WTAP: variants seen among roughly 807,000 people sequenced by gnomAD.
WTAP encodes the protein pre-mRNA-splicing regulator WTAP.
Under a neutral mutation model 50.0 loss-of-function variants are expected in WTAP, and 8 were observed. The observed-to-expected ratio is 0.16, with a 90% CI of 0.09 to 0.29. The LOEUF (loss-of-function observed/expected upper bound fraction) is 0.29, where lower values mean the gene tolerates loss of function less well. Ranked by LOEUF, WTAP falls within the 10% of genes least tolerant of loss-of-function variation. The pLI is 1.00. For synonymous variants in WTAP, 194 were observed against 169.0 expected (o/e 1.15, Z -1.15); for missense variants, 295 against 470.7 (o/e 0.63, Z 3.45).
chr6:159,752,547 A>T (rs1779859786), intron 6 of WTAP, among the ~76,000 whole-genome samples: 1 of 152,206 alleles, frequency 6.6e-6, no homozygotes, highest in African/African-American at 2.4e-5. Context: ...ATCTGTGGAA[A>T]GTGTGACACT....
chr6:159,734,627 A>G (rs1161307344), intron 1 of WTAP, among the ~76,000 whole-genome samples: 2 of 152,132 alleles, frequency 1.3e-5, no homozygotes, highest in African/African-American at 2.4e-5. Context: ...CCTGGGCACT[A>G]TGGTGGGTCC....
At chr6:159,726,786 G>A (rs149262275), upstream of WTAP, 2,038 of 1,289,160 alleles carry the variant, frequency 1.6e-3, 28 homozygotes, top group African/African-American at 0.028. Flanking sequence ...GAACCCAGCG[G>A]CCAGGAGACT....
In WTAP at chr6:159,756,288, C is replaced by T. The variant is rs1583113830; in HGVS notation, c.*677C>T. 6.6e-6 allele frequency: 1 copy of T among 152,642 alleles called. No homozygotes were observed. Among genetic ancestry groups the T allele is most frequent in the East Asian group, 1.9e-4 (1 of 5,184 alleles). 9.5% of individuals were successfully genotyped at this position (152,642 alleles called of 1,614,324 possible). On this transcript the variant is annotated 3_prime_UTR_variant, in exon 8 of 8. Transcript: ENST00000621533. ...GTATATCTTACCTGTACTGACCAAA[C>T]CTAAATAAAGATTTTTATTGTAACT...
rs1274279632 is a variant in WTAP, at chr6:159,748,055, T to G, written c.274-136T>G. ...TTTCTAGAAAGTTTTAAGATTTTTC[T>G]AGAGAATTTCAGGATCAAAGAGGGG... On this transcript the variant is annotated intron_variant, in intron 5 of 7. Coordinates refer to ENST00000621533, the MANE Select transcript of WTAP (RefSeq NM_001270531.2). The surrounding 1 kb of genome is among the most constrained non-coding windows in gnomAD (Gnocchi z 5.6). 1 of 1,155,470 alleles carries G rather than the reference T, an allele frequency of 8.7e-7. No individual in the cohort carries two copies. The highest frequency in any genetic ancestry group is 2.6e-5 in the East Asian group (1 of 38,786). The allele number at this position is 1,155,470 out of a possible 1,614,324, so 71.6% of individuals were successfully genotyped here.
chr6:159,734,872 T>C (rs2114889681), intron 1 of WTAP, among the ~76,000 whole-genome samples: 1 of 152,302 alleles, frequency 6.6e-6, no homozygotes, highest in Non-Finnish European at 1.5e-5. Context: ...TGTATTTTAA[T>C]GTGGTGTTTA....
chr6:159,753,620 G>A lies in WTAP; in HGVS notation c.607+6G>A. On this transcript the variant is annotated splice_donor_region_variant and intron_variant, in intron 7 of 7. Transcript: ENST00000621533. ...GCTTAAAAGCAGTCAGGATGGTAAG[G>A]GGTTTGTTTCTTTTTGGAACGTTGT... is the stretch of plus-strand genomic sequence containing the variant. 1 of 1,594,536 alleles carries A rather than the reference G, an allele frequency of 6.3e-7. No homozygotes were observed.
At chr6:159,751,220 ACTAT>A (rs1369475838) in intron 6 of WTAP, among the ~76,000 whole-genome samples, 7 of 152,222 alleles carry the variant, frequency 4.6e-5, no homozygotes, top group African/African-American at 1.7e-4. Flanking sequence ...ACGTGATATG[ACTAT>A]CTTAGCTTAG....
In WTAP at chr6:159,748,091, TGAAA is replaced by T. The variant is rs1779684150; in HGVS notation, c.274-97_274-94del. 11 of 1,407,616 alleles carry T rather than the reference TGAAA, an allele frequency of 7.8e-6. No individual in the cohort carries two copies. The East Asian group carries it at 2.6e-4, about 33-fold the overall frequency. The allele number at this position is 1,407,616 out of a possible 1,614,324, so 87.2% of individuals were successfully genotyped here. ...AGGATCAAAGAGGGGAGGAGCTTAA[TGAAA>T]GAGTTGGTAAATCAAGTGAATGGAG... On this transcript the variant is annotated intron_variant, in intron 5 of 7. Coordinates refer to ENST00000621533, the MANE Select transcript of WTAP (RefSeq NM_001270531.2). This position sits in a 1 kb window ranked among gnomAD's most constrained non-coding sequence, Gnocchi z 5.6.
At chr6:159,726,733 AC>A (rs1778186257), upstream of WTAP, 2 of 1,277,166 alleles carry the variant, frequency 1.6e-6, no homozygotes, top group Non-Finnish European at 2.0e-6. Flanking sequence ...ACGCCAGAGA[AC>A]AATAGCTCCT....
At chr6:159,727,107 T>G (rs1052752075), upstream of WTAP, 71 of 1,191,994 alleles carry the variant, frequency 6.0e-5, no homozygotes, top group Non-Finnish European at 7.4e-5. Context: ...GGCCCGCCCC[T>G]CCCCTCGGCC....
At chr6:159,727,284 G>C, upstream of WTAP, 1 of 1,282,508 alleles carries the variant, frequency 7.8e-7, no homozygotes, top group Non-Finnish European at 1.0e-6. Context: ...TCCTGGCGGG[G>C]TTCGGCGGCG....
chr6:159,740,663 G>C (rs571747918), intron 3 of WTAP, among the ~76,000 whole-genome samples: 1 of 151,270 alleles, frequency 6.6e-6, no homozygotes, highest in African/African-American at 2.4e-5. Context: ...ATAGAAAGTG[G>C]ATTAGTTTGG....
intron 3 of WTAP, among the ~76,000 whole-genome samples, chr6:159,740,842 C>G (rs111634335): frequency 1.3e-5 from 2 of 152,100 alleles, no homozygotes; most frequent in African/African-American, 4.8e-5. Context: ...GCTGGGACTA[C>G]GGGCATGCGC....
At chr6:159,730,187 A>G (rs61565791) in intron 1 of WTAP, among the ~76,000 whole-genome samples, 12,753 of 152,244 alleles carry the variant, frequency 0.084, 1,186 homozygotes, top group African/African-American at 0.22. Context: ...AATGACTAAC[A>G]GTCATTTTCA....
At chr6:159,735,522 G>A (rs950904954) in intron 1 of WTAP, among the ~76,000 whole-genome samples, 1 of 152,138 alleles carries the variant, frequency 6.6e-6, no homozygotes, top group East Asian at 1.9e-4. Context: ...AGGCCAAGGC[G>A]GACGGGTTGC....
At chr6:159,734,700 T>C (rs1175644784) in intron 1 of WTAP, among the ~76,000 whole-genome samples, 1 of 152,198 alleles carries the variant, frequency 6.6e-6, no homozygotes, top group African/African-American at 2.4e-5. Flanking sequence ...TTACTTAATT[T>C]GTATAAGTTA....
chr6:159,738,352 A>AT (rs978907676), intron 2 of WTAP, among the ~76,000 whole-genome samples: 3 of 151,836 alleles, frequency 2.0e-5, no homozygotes, highest in East Asian at 3.9e-4. Context: ...TTTTGAGACT[A>AT]TTTTTTTTCC....
chr6:159,727,223 C>G, upstream of WTAP: 2 of 1,269,660 alleles, frequency 1.6e-6, no homozygotes, highest in South Asian at 1.3e-5. Context: ...CATTGTGCCT[C>G]GAGGCCCCGA....
chr6:159,729,233 T>G (rs1223547812), intron 1 of WTAP, among the ~76,000 whole-genome samples: 1 of 152,222 alleles, frequency 6.6e-6, no homozygotes, highest in Non-Finnish European at 1.5e-5. Context: ...TGCTTCTTGC[T>G]CCTCAAAATT....
Sources: allele counts gnomAD v4.1 joint callset (sites outside exome capture counted in the v4.1 genomes callset), GRCh38; gene constraint gnomAD v4.1.1; non-coding constraint Gnocchi (gnomAD v3.1); transcripts MANE v1.5; gene names NCBI Gene and HGNC (gene_info 2026-07-23, HGNC 2026-07-21).